GRID1: variants seen among roughly 807,000 people sequenced by gnomAD.
The protein encoded by GRID1 is glutamate ionotropic receptor delta type subunit 1, also known as glutamate receptor ionotropic, delta-1.
A neutral mutation model predicts 98.0 loss-of-function variants in GRID1; 28 were observed. The ratio of observed to expected loss-of-function variants is 0.29; its 90% CI spans 0.21 to 0.39. GRID1 has a LOEUF of 0.39. Among genes scored for constraint, GRID1 ranks in the 10% least tolerant of loss-of-function variants. The pLI is 1.00. For missense variants in GRID1, 1,111 were observed against 1,340.5 expected, an observed-to-expected ratio of 0.83 and a Z score of 2.67; for synonymous variants, 553 against 538.5, an observed-to-expected ratio of 1.03 and a Z score of -0.37.
At chr10:86,033,417 G>T (rs1843213628) in intron 4 of GRID1, among the ~76,000 whole-genome samples, 1 of 152,196 alleles carries the variant, frequency 6.6e-6, no homozygotes, top group Non-Finnish European at 1.5e-5. Flanking sequence ...CAGTCTCTGG[G>T]TCATCCAAGG....
At chr10:86,136,366 C>T (rs780862727) in intron 4 of GRID1, among the ~76,000 whole-genome samples, 3 of 152,196 alleles carry the variant, frequency 2.0e-5, no homozygotes, top group Non-Finnish European at 2.9e-5. Context: ...ATATCTTCCC[C>T]GATGAAGCCA....
At chr10:86,210,993 G>A (rs1363206047) in intron 2 of GRID1, among the ~76,000 whole-genome samples, 1 of 152,252 alleles carries the variant, frequency 6.6e-6, no homozygotes, top group Non-Finnish European at 1.5e-5. Context: ...CACAAGCTGG[G>A]ACTGTGGGTG....
In GRID1 at chr10:86,269,057, G is replaced by A. The variant is rs137871722; in HGVS notation, c.236-62409C>T. Among the ~76,000 whole-genome samples the A allele has an allele frequency of 1.6e-3, 236 of 151,366 alleles. 1 individual carries two copies. The highest frequency in any genetic ancestry group is 5.1e-3 in the African/African-American group (208 of 40,664). On this transcript the variant is annotated intron_variant, in intron 2 of 15. Transcript: ENST00000327946. The stretch of plus-strand genomic sequence containing the variant: ...TGGGTTCAAATCCAAGCTAAGTCAC[G>A]TCTGTGACCTTGGACAAACCCCTTC...
intron 2 of GRID1, among the ~76,000 whole-genome samples, chr10:86,228,944 C>T (rs1272056092): frequency 6.6e-6 from 1 of 152,196 alleles, no homozygotes; most frequent in African/African-American, 2.4e-5. Context: ...AGTGTGACCC[C>T]TCTAAATGCT....
chr10:85,784,514 C>T (rs1173789021), intron 8 of GRID1, among the ~76,000 whole-genome samples: 1 of 152,224 alleles, frequency 6.6e-6, no homozygotes, highest in Non-Finnish European at 1.5e-5. Context: ...CAGCAACGCC[C>T]TGAATGATGG....
intron 8 of GRID1, among the ~76,000 whole-genome samples, chr10:85,792,347 G>A (rs1842488153): frequency 6.6e-6 from 1 of 152,212 alleles, no homozygotes; most frequent in Admixed American, 6.5e-5. Flanking sequence ...CACAGCACTT[G>A]GGGCCTCAAA....
intron 5 of GRID1, among the ~76,000 whole-genome samples, chr10:85,915,075 G>C (rs1005813012): frequency 6.6e-6 from 1 of 152,140 alleles, no homozygotes; most frequent in Non-Finnish European, 1.5e-5. Flanking sequence ...AGGCCACCAC[G>C]ATCCCTGGTG....
intron 5 of GRID1, among the ~76,000 whole-genome samples, chr10:85,897,020 AT>A (rs1464546459): frequency 6.6e-6 from 1 of 152,226 alleles, no homozygotes; most frequent in Non-Finnish European, 1.5e-5. Context: ...TAAATTGTTA[AT>A]GATACATTAT....
At chr10:86,005,599 G>A (rs975530309) in intron 4 of GRID1, among the ~76,000 whole-genome samples, 16 of 152,284 alleles carry the variant, frequency 1.1e-4, no homozygotes, top group African/African-American at 3.9e-4. Context: ...ATGAGATAAG[G>A]GATCCCACAC....
chr10:86,113,053 T>C (rs1366205571), intron 4 of GRID1, among the ~76,000 whole-genome samples: 1 of 152,192 alleles, frequency 6.6e-6, no homozygotes, highest in African/African-American at 2.4e-5. Flanking sequence ...GTCCAATACT[T>C]GTTAAAGTGA....
chr10:85,999,918 T>G (rs989077487), intron 4 of GRID1, among the ~76,000 whole-genome samples: 2 of 152,120 alleles, frequency 1.3e-5, no homozygotes, highest in African/African-American at 4.8e-5. Context: ...CAAAAAAAGG[T>G]AAAGATGTTC....
chr10:85,825,061 C>T (rs1249734326), intron 8 of GRID1, among the ~76,000 whole-genome samples: 1 of 152,200 alleles, frequency 6.6e-6, no homozygotes, highest in Admixed American at 6.5e-5. Flanking sequence ...AAAATCCAGA[C>T]ATGGGATTGC....
At chr10:86,145,449 T>C (rs757723506) in intron 3 of GRID1, among the ~76,000 whole-genome samples, 4 of 152,106 alleles carry the variant, frequency 2.6e-5, no homozygotes, top group African/African-American at 9.7e-5. Flanking sequence ...TCTATTTGTT[T>C]TTACATTCAT....
chr10:85,654,338 A>C (rs917153549), intron 12 of GRID1, among the ~76,000 whole-genome samples: 3 of 152,274 alleles, frequency 2.0e-5, no homozygotes, highest in Non-Finnish European at 4.4e-5. Flanking sequence ...GTAACAATTA[A>C]TAAATGTAAA....
intron 4 of GRID1, among the ~76,000 whole-genome samples, chr10:86,012,436 C>A (rs1842932386): frequency 6.6e-6 from 1 of 152,190 alleles, no homozygotes; most frequent in Non-Finnish European, 1.5e-5. Context: ...AGAGAGCTGG[C>A]AGAGGTTAAT....
intron 2 of GRID1, among the ~76,000 whole-genome samples, chr10:86,268,471 G>A (rs1847137971): frequency 6.6e-6 from 1 of 152,192 alleles, no homozygotes; most frequent in South Asian, 2.1e-4. Context: ...ACTGAAGTGT[G>A]GGGGTTGTTT....
At chr10:86,321,654 C>G (rs1847972313) in intron 2 of GRID1, among the ~76,000 whole-genome samples, 1 of 152,118 alleles carries the variant, frequency 6.6e-6, no homozygotes, top group African/African-American at 2.4e-5. Flanking sequence ...CCAGAAGAAG[C>G]CCCAAATCAA....
intron 5 of GRID1, among the ~76,000 whole-genome samples, chr10:85,880,663 A>T (rs966018531): frequency 7.2e-5 from 11 of 151,956 alleles, no homozygotes; most frequent in Non-Finnish European, 1.6e-4. Context: ...CACAGCCAAT[A>T]TCATACTGAA....
At chr10:85,693,161 C>A (rs923838240) in intron 12 of GRID1, among the ~76,000 whole-genome samples, 1 of 151,512 alleles carries the variant, frequency 6.6e-6, no homozygotes, top group African/African-American at 2.4e-5. Flanking sequence ...ACTAAGTAGT[C>A]ATCAAGACAT....
Sources: allele counts gnomAD v4.1 joint callset (sites outside exome capture counted in the v4.1 genomes callset), GRCh38; gene constraint gnomAD v4.1.1; transcripts MANE v1.5; gene names NCBI Gene and HGNC (gene_info 2026-07-23, HGNC 2026-07-21).